Variants in MERTK observed in about 807,000 individuals in gnomAD.
The protein encoded by MERTK is tyrosine-protein kinase Mer.
In MERTK, 69 loss-of-function variants were observed where a neutral mutation model predicts 99.3. The observed-to-expected ratio is 0.70, with a 90% CI of 0.57 to 0.85. The LOEUF is 0.85. Ranked by LOEUF, MERTK falls within the 40% of genes least tolerant of loss-of-function variation. The pLI, the probability that MERTK is intolerant of heterozygous loss-of-function variation, is 0.00. For missense variants in MERTK, 1,125 were observed against 1,249.4 expected (o/e 0.90, Z 1.50); for synonymous variants, 426 against 467.6 (o/e 0.91, Z 1.15).
At chr2:111,994,196 T>C in intron 8 of MERTK, 55 bp from the exon 9 acceptor site, 3 of 1,603,222 alleles carry the variant, frequency 1.9e-6, no homozygotes, top group Non-Finnish European at 2.6e-6. Context: ...TAGATGCACC[T>C]GCAGTTTGCC....
In MERTK at chr2:111,994,310, C is replaced by T. The variant is rs1185269824; in HGVS notation, c.1356C>T (p.Val452=). ...GCCGAGCTCGGATCTCTGTTCAAGT[C>T]CACAATGCTACGTGCACAGTGAGGA... ...NGSRARISVQ[V]HNATCTVRIA... is the part of the protein sequence containing the mutation. Residue 452 remains valine, a synonymous_variant, in exon 9 of 19, where the codon GTC becomes GTT. Transcript: ENST00000295408. The T allele has an allele frequency of 1.2e-6, 2 of 1,614,206 alleles. No homozygotes were observed. Among genetic ancestry groups the T allele is most frequent in the Non-Finnish European group, 1.7e-6 (2 of 1,180,044 alleles).
At chr2:111,920,401 T>G (rs777224419) in intron 1 of MERTK, among the ~76,000 whole-genome samples, 7 of 152,258 alleles carry the variant, frequency 4.6e-5, no homozygotes, top group Non-Finnish European at 8.8e-5. Context: ...CCGCTTTCTC[T>G]TGCAGGGCTT....
intron 1 of MERTK, among the ~76,000 whole-genome samples, chr2:111,904,888 C>G (rs1359259653): frequency 6.6e-6 from 1 of 152,180 alleles, no homozygotes; most frequent in Non-Finnish European, 1.5e-5. Context: ...GTGAGCCAAC[C>G]CTCAGGTGCC....
At chr2:111,938,976 G>A (rs1684813174) in intron 2 of MERTK, among the ~76,000 whole-genome samples, 1 of 152,042 alleles carries the variant, frequency 6.6e-6, no homozygotes, top group Non-Finnish European at 1.5e-5. Context: ...GTATTTTTTT[G>A]TAGCTATGGA....
intron 10 of MERTK, among the ~76,000 whole-genome samples, chr2:112,000,215 A>G (rs1310944258): frequency 6.6e-6 from 1 of 152,226 alleles, no homozygotes; most frequent in Non-Finnish European, 1.5e-5. Context: ...CACAGGGGAT[A>G]TGATGGCTTA....
At chr2:111,900,692 A>G (rs1227801173) in intron 1 of MERTK, among the ~76,000 whole-genome samples, 2 of 152,072 alleles carry the variant, frequency 1.3e-5, no homozygotes, top group South Asian at 2.1e-4. Flanking sequence ...AGTTTCACCA[A>G]TCGTTCTTGC....
At chr2:112,014,165 G>T (rs1047664598) in intron 15 of MERTK, among the ~76,000 whole-genome samples, 1 of 152,108 alleles carries the variant, frequency 6.6e-6, no homozygotes, top group East Asian at 1.9e-4. Context: ...GGGATTAAAG[G>T]TGCCCGCCAC....
At chr2:111,980,603 A>T (rs1676351655) in intron 7 of MERTK, among the ~76,000 whole-genome samples, 1 of 151,890 alleles carries the variant, frequency 6.6e-6, no homozygotes, top group South Asian at 2.1e-4. Flanking sequence ...TATTTTTAGT[A>T]GAGACGGGGT....
At chr2:111,908,087 G>T (rs531974549) in intron 1 of MERTK, among the ~76,000 whole-genome samples, 4 of 152,332 alleles carry the variant, frequency 2.6e-5, no homozygotes, top group African/African-American at 7.2e-5. Flanking sequence ...CCCAGGAGGG[G>T]TATGTATCAG....
chr2:111,917,188 G>T (rs1194287655), intron 1 of MERTK, among the ~76,000 whole-genome samples: 1 of 152,178 alleles, frequency 6.6e-6, no homozygotes, highest in Non-Finnish European at 1.5e-5. Flanking sequence ...TTAATGCTGG[G>T]TGGGGATGGA....
intron 6 of MERTK, among the ~76,000 whole-genome samples, chr2:111,970,881 C>G (rs1676107467): frequency 6.8e-6 from 1 of 146,682 alleles, no homozygotes; most frequent in Non-Finnish European, 1.5e-5. Flanking sequence ...TCTCCTTCTT[C>G]TTGTTCTTTT....
chr2:111,900,591 C>T (rs910915902), intron 1 of MERTK, among the ~76,000 whole-genome samples: 3 of 152,256 alleles, frequency 2.0e-5, no homozygotes, highest in Non-Finnish European at 2.9e-5. Flanking sequence ...TTTTAAAAGG[C>T]TGTAATAACA....
chr2:111,931,633 C>A (rs1684673591), intron 2 of MERTK, among the ~76,000 whole-genome samples: 2 of 151,506 alleles, frequency 1.3e-5, no homozygotes, highest in Non-Finnish European at 2.9e-5. Context: ...TTGCAGTAAG[C>A]CAAGATTGCA....
chr2:111,980,043 C>G (rs1035908839), intron 7 of MERTK, among the ~76,000 whole-genome samples: 1 of 152,148 alleles, frequency 6.6e-6, no homozygotes, highest in South Asian at 2.1e-4. Context: ...GGTGATTGGA[C>G]AGTGACCTAA....
intron 6 of MERTK, among the ~76,000 whole-genome samples, chr2:111,971,671 C>T (rs977268629): frequency 6.6e-6 from 1 of 152,196 alleles, no homozygotes; most frequent in African/African-American, 2.4e-5. Context: ...GGAGAATATA[C>T]TTCACATGAC....
At chr2:111,967,607 G>A (rs577317075) in intron 5 of MERTK, among the ~76,000 whole-genome samples, 5 of 152,060 alleles carry the variant, frequency 3.3e-5, no homozygotes, top group Admixed American at 1.3e-4. Context: ...GTGTTTCCTC[G>A]GCCTGGAAAG....
At chr2:112,027,313 T>G (rs1271393868) in intron 18 of MERTK, among the ~76,000 whole-genome samples, 1 of 151,376 alleles carries the variant, frequency 6.6e-6, no homozygotes, top group Non-Finnish European at 1.5e-5. Flanking sequence ...TGTGTGTGTA[T>G]ATATATACAC....
At chr2:111,993,146 G>A (rs531593144) in intron 8 of MERTK, among the ~76,000 whole-genome samples, 4 of 152,210 alleles carry the variant, frequency 2.6e-5, no homozygotes, top group East Asian at 1.9e-4. Flanking sequence ...TTGTGGTGTG[G>A]GAGCAGAGAA....
intron 1 of MERTK, among the ~76,000 whole-genome samples, chr2:111,927,297 C>T (rs1684585591): frequency 6.6e-6 from 1 of 152,162 alleles, no homozygotes; most frequent in African/African-American, 2.4e-5. Flanking sequence ...GCAAGGGCTC[C>T]CAGACAGGGG....
Sources: gnomAD v4.1 joint callset for allele counts (sites outside exome capture counted in the v4.1 genomes callset) on GRCh38, gnomAD v4.1.1 for gene constraint, MANE v1.5 for transcripts, NCBI Gene and HGNC (gene_info 2026-07-23, HGNC 2026-07-21) for gene names.